The following INPP4B variants were observed in gnomAD, a reference collection of about 807,000 sequenced individuals.
INPP4B encodes inositol polyphosphate 4-phosphatase type II.
Under a neutral mutation model 122.5 loss-of-function variants are expected in INPP4B, and 55 were observed. The observed-to-expected ratio is 0.45, with a 90% CI of 0.36 to 0.56. The LOEUF (loss-of-function observed/expected upper bound fraction) is 0.56, where lower values mean the gene tolerates loss of function less well. Ranked by LOEUF, INPP4B falls within the 20% of genes least tolerant of loss-of-function variation. The pLI, the probability that INPP4B is intolerant of heterozygous loss-of-function variation, is 0.00. For missense variants in INPP4B, 1,000 were observed against 1,097.7 expected (o/e 0.91, Z 1.26); for synonymous variants, 403 against 388.7 (o/e 1.04, Z -0.43).
At chr4:142,804,311 T>G (rs2151098675) in intron 1 of INPP4B, among the ~76,000 whole-genome samples, 1 of 152,316 alleles carries the variant, frequency 6.6e-6, no homozygotes, top group African/African-American at 2.4e-5. Flanking sequence ...CTGAAGGGTT[T>G]ATATAATCTG....
intron 7 of INPP4B, among the ~76,000 whole-genome samples, chr4:142,389,755 A>G (rs1797100411): frequency 6.6e-6 from 1 of 152,214 alleles, no homozygotes; most frequent in Non-Finnish European, 1.5e-5. Context: ...ATTTGCTAAG[A>G]GTTACCATGA....
At chr4:142,601,807 AAAAT>A (rs1740006256) in intron 2 of INPP4B, among the ~76,000 whole-genome samples, 1 of 151,694 alleles carries the variant, frequency 6.6e-6, no homozygotes, top group Non-Finnish European at 1.5e-5. Context: ...ATCTCTACCG[AAAAT>A]ATAAAAAATT....
chr4:142,711,943 A>T (rs570855300), intron 2 of INPP4B, among the ~76,000 whole-genome samples: 4 of 152,130 alleles, frequency 2.6e-5, no homozygotes, highest in Non-Finnish European at 2.9e-5. Context: ...AGTTACTCAA[A>T]AGACCGAGGC....
intron 11 of INPP4B, among the ~76,000 whole-genome samples, chr4:142,250,602 C>T (rs906588822): frequency 6.6e-6 from 1 of 152,184 alleles, no homozygotes; most frequent in Non-Finnish European, 1.5e-5. Context: ...TATTCTATAT[C>T]TGCACAATGC....
rs80286613 is a variant in INPP4B at position 142,814,590 on chromosome 4, C to A, written c.-254+31619G>T. Reference sequence around the variant, plus strand: ...GAAGAGGGAAAGAGATGTCATGGCCCATTTCATTCATTTTGGCTGACCTAA... The same window carrying A: ...GAAGAGGGAAAGAGATGTCATGGCCAATTTCATTCATTTTGGCTGACCTAA... On this transcript the variant is annotated intron_variant, in intron 1 of 25. Transcript: ENST00000262992. Among the ~76,000 whole-genome samples the A allele has an allele frequency of 3.9e-3, 591 of 152,034 alleles. 13 individuals carry two copies. The highest frequency in any genetic ancestry group is 0.013 in the African/African-American group (549 of 41,476).
At chr4:142,217,807 A>T (rs1847925076) in intron 12 of INPP4B, among the ~76,000 whole-genome samples, 1 of 151,962 alleles carries the variant, frequency 6.6e-6, no homozygotes, top group South Asian at 2.1e-4. Context: ...AATCAGGTGG[A>T]GGCCTGAATA....
At chr4:142,634,896 T>C (rs1004566195) in intron 2 of INPP4B, among the ~76,000 whole-genome samples, 2 of 152,094 alleles carry the variant, frequency 1.3e-5, no homozygotes, top group African/African-American at 2.4e-5. Flanking sequence ...AATATGGTTG[T>C]GTACTTAACA....
chr4:142,146,835 T>C (rs1013611645), intron 17 of INPP4B, among the ~76,000 whole-genome samples: 1 of 152,196 alleles, frequency 6.6e-6, no homozygotes, highest in Non-Finnish European at 1.5e-5. Context: ...TTTTGAGTGA[T>C]TTATTTCCCA....
chr4:142,470,344 T>C (rs1357366044), intron 2 of INPP4B, among the ~76,000 whole-genome samples: 1 of 152,188 alleles, frequency 6.6e-6, no homozygotes, highest in Non-Finnish European at 1.5e-5. Context: ...ACTTCATTAA[T>C]ACTCAAGGAA....
At chr4:142,208,240 C>A (rs752576445) in intron 14 of INPP4B, among the ~76,000 whole-genome samples, 185 bp downstream of exon 14, 10 of 152,004 alleles carry the variant, frequency 6.6e-5, no homozygotes, top group Non-Finnish European at 1.2e-4. Context: ...AAGTATTTCT[C>A]AAAAATACAG....
At chr4:142,285,389 T>A (rs1370786483) in intron 9 of INPP4B, among the ~76,000 whole-genome samples, 2 of 63,716 alleles carry the variant, frequency 3.1e-5, no homozygotes, top group Admixed American at 2.7e-4. Flanking sequence ...GAATTGAGGT[T>A]CATGGCCTCA....
intron 10 of INPP4B, among the ~76,000 whole-genome samples, chr4:142,267,439 A>G (rs183565016): frequency 9.8e-5 from 15 of 152,348 alleles, no homozygotes; most frequent in Admixed American, 2.6e-4. Context: ...TTTTCAACAA[A>G]GGTACCAAAA....
chr4:142,283,228 G>A (rs555908603), intron 9 of INPP4B, among the ~76,000 whole-genome samples: 34 of 152,186 alleles, frequency 2.2e-4, no homozygotes, highest in African/African-American at 8.2e-4. Context: ...AATAGGAAGG[G>A]TAGCATTGCA....
intron 9 of INPP4B, among the ~76,000 whole-genome samples, chr4:142,279,124 A>G (rs1488360789): frequency 6.6e-6 from 1 of 152,012 alleles, no homozygotes; most frequent in Non-Finnish European, 1.5e-5. Flanking sequence ...GCTGAAAACT[A>G]TAAATACTAA....
chr4:142,204,205 A>G (rs1841791056), intron 14 of INPP4B, among the ~76,000 whole-genome samples: 1 of 152,138 alleles, frequency 6.6e-6, no homozygotes, highest in Non-Finnish European at 1.5e-5. Context: ...CCTAGTCTAC[A>G]TAACAGCTAC....
At chr4:142,727,218 T>C (rs938897943) in intron 1 of INPP4B, among the ~76,000 whole-genome samples, 1 of 152,196 alleles carries the variant, frequency 6.6e-6, no homozygotes, top group Non-Finnish European at 1.5e-5. Flanking sequence ...TGTCAACTGC[T>C]CGACTGCAGT....
chr4:142,456,841 C>T (rs1032573154), intron 3 of INPP4B, among the ~76,000 whole-genome samples: 8 of 151,744 alleles, frequency 5.3e-5, no homozygotes, highest in Admixed American at 3.3e-4. Flanking sequence ...CAAGAAAAAG[C>T]TAATTCTAAA....
chr4:142,725,410 C>CA (rs1297120256), intron 2 of INPP4B, among the ~76,000 whole-genome samples: 2 of 151,516 alleles, frequency 1.3e-5, no homozygotes, highest in Non-Finnish European at 2.9e-5. Context: ...TTTGTATATT[C>CA]AAAAAAATAC....
intron 7 of INPP4B, among the ~76,000 whole-genome samples, chr4:142,346,058 A>G (rs1780233340): frequency 6.6e-6 from 1 of 152,054 alleles, no homozygotes; most frequent in South Asian, 2.1e-4. Context: ...AACAACAAGG[A>G]AGTGGCATTG....
Sources: allele counts gnomAD v4.1 joint callset (sites outside exome capture counted in the v4.1 genomes callset), GRCh38; gene constraint gnomAD v4.1.1; transcripts MANE v1.5; gene names NCBI Gene and HGNC (gene_info 2026-07-23, HGNC 2026-07-21).